The following CHCHD6 variants were observed in gnomAD, a reference collection of about 807,000 sequenced individuals.
CHCHD6 encodes coiled-coil-helix-coiled-coil-helix domain containing 6.
In CHCHD6, 28 loss-of-function variants were observed where a neutral mutation model predicts 32.3. That is an observed-to-expected ratio of 0.87 (90% CI 0.64 to 1.19). The LOEUF (loss-of-function observed/expected upper bound fraction) is 1.19, where lower values mean the gene tolerates loss of function less well. Ranked by LOEUF, CHCHD6 falls within the 50% of genes most tolerant of loss-of-function variation. CHCHD6 has a pLI of 0.00. For synonymous variants in CHCHD6, 122 were observed against 117.5 expected, an observed-to-expected ratio of 1.04 and a Z score of -0.25; for missense variants, 333 against 307.0, an observed-to-expected ratio of 1.08 and a Z score of -0.63.
chr3:126,867,198 T>G (rs1026677765), intron 5 of CHCHD6, among the ~76,000 whole-genome samples: 1 of 152,236 alleles, frequency 6.6e-6, no homozygotes, highest in Non-Finnish European at 1.5e-5. Context: ...GGTGAAATTG[T>G]CATGCAAGGC....
At chr3:126,823,910 C>T (rs868503824) in intron 4 of CHCHD6, among the ~76,000 whole-genome samples, 1 of 136,054 alleles carries the variant, frequency 7.4e-6, no homozygotes, top group Non-Finnish European at 1.7e-5. Flanking sequence ...CAAAAACACA[C>T]ACACACACAC....
chr3:126,931,406 G>C (rs1036606455), intron 6 of CHCHD6, among the ~76,000 whole-genome samples: 1 of 152,214 alleles, frequency 6.6e-6, no homozygotes, highest in Non-Finnish European at 1.5e-5. Context: ...TGCTTCTGCA[G>C]AGCCGACCCA....
chr3:126,745,134 G>A (rs1418649385), intron 4 of CHCHD6, among the ~76,000 whole-genome samples: 2 of 152,212 alleles, frequency 1.3e-5, no homozygotes, highest in Non-Finnish European at 2.9e-5. Context: ...CAAAAGGGGG[G>A]CTGGGATAGT....
chr3:126,823,334 T>G (rs1403337809), intron 4 of CHCHD6, among the ~76,000 whole-genome samples: 2 of 152,196 alleles, frequency 1.3e-5, no homozygotes, highest in African/African-American at 2.4e-5. Context: ...ATAGATCAAT[T>G]TGTAGAGAAT....
chr3:126,821,401 C>T (rs939047357), intron 4 of CHCHD6, among the ~76,000 whole-genome samples: 4 of 152,284 alleles, frequency 2.6e-5, no homozygotes, highest in Non-Finnish European at 4.4e-5. Flanking sequence ...TCAAGCAATT[C>T]TCCTGCCTTA....
chr3:126,742,361 G>A (rs1356581623), intron 4 of CHCHD6, among the ~76,000 whole-genome samples: 1 of 152,188 alleles, frequency 6.6e-6, no homozygotes, highest in East Asian at 1.9e-4. Context: ...CTGCTGCCAG[G>A]TGGGCCCAAT....
intron 4 of CHCHD6, among the ~76,000 whole-genome samples, chr3:126,772,411 ACC>A (rs1350410677): frequency 1.3e-5 from 2 of 152,036 alleles, no homozygotes; most frequent in Admixed American, 1.3e-4. Context: ...TCCCTTATGA[ACC>A]TGGGTGCTCC....
chr3:126,840,769 T>A (rs1941040686), intron 4 of CHCHD6, among the ~76,000 whole-genome samples: 1 of 152,174 alleles, frequency 6.6e-6, no homozygotes, highest in Non-Finnish European at 1.5e-5. Context: ...GTACTTTATG[T>A]GTATGATCTT....
At chr3:126,765,834 C>G (rs1362037088) in intron 4 of CHCHD6, among the ~76,000 whole-genome samples, 1 of 152,224 alleles carries the variant, frequency 6.6e-6, no homozygotes, top group African/African-American at 2.4e-5. Flanking sequence ...GACTCCCAAT[C>G]CCCCTCCAGG....
intron 3 of CHCHD6, among the ~76,000 whole-genome samples, chr3:126,731,791 C>G (rs758612426): frequency 3.9e-5 from 6 of 152,126 alleles, no homozygotes; most frequent in Admixed American, 1.3e-4. Flanking sequence ...AATAACTCAC[C>G]TGGCCAGGTG....
intron 5 of CHCHD6, among the ~76,000 whole-genome samples, chr3:126,899,348 T>G (rs1384758340): frequency 1.3e-5 from 2 of 152,234 alleles, no homozygotes; most frequent in Non-Finnish European, 2.9e-5. Context: ...TTGCAAATTT[T>G]CCAAAGCTTG....
intron 6 of CHCHD6, among the ~76,000 whole-genome samples, chr3:126,929,786 G>A (rs1396593241): frequency 3.9e-5 from 6 of 152,084 alleles, no homozygotes; most frequent in Admixed American, 6.5e-5. Flanking sequence ...GGCCGGTCTC[G>A]AACTCCTGAC....
At chr3:126,765,070 A>G (rs1480481033) in intron 4 of CHCHD6, among the ~76,000 whole-genome samples, 1 of 152,192 alleles carries the variant, frequency 6.6e-6, no homozygotes, top group Non-Finnish European at 1.5e-5. Flanking sequence ...AACAACAACT[A>G]GATCATTTTT....
intron 5 of CHCHD6, among the ~76,000 whole-genome samples, chr3:126,879,213 A>T (rs902096865): frequency 6.6e-6 from 1 of 152,218 alleles, no homozygotes; most frequent in Non-Finnish European, 1.5e-5. Flanking sequence ...TCAGAATTCC[A>T]TCCAAGATCC....
At chr3:126,897,966 A>G (rs539991101) in intron 5 of CHCHD6, among the ~76,000 whole-genome samples, 2 of 152,330 alleles carry the variant, frequency 1.3e-5, no homozygotes, top group East Asian at 3.9e-4. Context: ...AGTGGGGAAC[A>G]TGGAAACTCC....
intron 6 of CHCHD6, among the ~76,000 whole-genome samples, chr3:126,939,604 A>G (rs945741155): frequency 4.6e-5 from 7 of 152,242 alleles, no homozygotes; most frequent in African/African-American, 1.7e-4. Context: ...GGCTTTGACA[A>G]CTGTGACTTG....
chr3:126,742,637 C>T (rs576389378), intron 4 of CHCHD6, among the ~76,000 whole-genome samples: 19 of 152,194 alleles, frequency 1.2e-4, no homozygotes, highest in African/African-American at 4.6e-4. Flanking sequence ...GAGAGCGGGA[C>T]TGGCAACTTT....
At chr3:126,825,608 A>G (rs1940355295) in intron 4 of CHCHD6, among the ~76,000 whole-genome samples, 1 of 152,220 alleles carries the variant, frequency 6.6e-6, no homozygotes, top group Non-Finnish European at 1.5e-5. Context: ...GGGACTCTAT[A>G]TATTTGTGCC....
intron 4 of CHCHD6, among the ~76,000 whole-genome samples, chr3:126,836,277 T>C (rs566619889): frequency 6.6e-6 from 1 of 152,310 alleles, no homozygotes; most frequent in South Asian, 2.1e-4. Flanking sequence ...GAATATGTCA[T>C]GTTTGTTCCC....
Sources: gnomAD v4.1 joint callset for allele counts (sites outside exome capture counted in the v4.1 genomes callset) on GRCh38, gnomAD v4.1.1 for gene constraint, MANE v1.5 for transcripts, NCBI Gene and HGNC (gene_info 2026-07-23, HGNC 2026-07-21) for gene names.